ZNF496: variants seen among roughly 807,000 people sequenced by gnomAD.
ZNF496 encodes the protein zinc finger protein 496.
A neutral mutation model predicts 58.9 loss-of-function variants in ZNF496; 11 were observed. That is an observed-to-expected ratio of 0.19 (90% CI 0.12 to 0.31). The LOEUF (loss-of-function observed/expected upper bound fraction) is 0.31, where lower values mean the gene tolerates loss of function less well. ZNF496 is among the 10% of genes least tolerant of loss of function. The pLI, the probability that ZNF496 is intolerant of heterozygous loss-of-function variation, is 1.00. For synonymous variants in ZNF496, 338 were observed against 318.2 expected (o/e 1.06, Z -0.66); for missense variants, 660 against 783.0 (o/e 0.84, Z 1.88).
chr1:247,327,157 C>G (rs755062942), intron 5 of ZNF496, among the ~76,000 whole-genome samples: 7 of 152,156 alleles, frequency 4.6e-5, no homozygotes, highest in Non-Finnish European at 8.8e-5. Flanking sequence ...CTCCGCCTCC[C>G]AGGTTCAAGT....
chr1:247,320,470 G>A (rs1177614563), intron 6 of ZNF496, among the ~76,000 whole-genome samples: 1 of 152,224 alleles, frequency 6.6e-6, no homozygotes, highest in East Asian at 1.9e-4. Flanking sequence ...GCCAGAGGCT[G>A]AAGAGAGGGT....
At chr1:247,315,451 C>T (rs1467375252) in intron 6 of ZNF496, among the ~76,000 whole-genome samples, 1 of 152,176 alleles carries the variant, frequency 6.6e-6, no homozygotes, top group Non-Finnish European at 1.5e-5. Flanking sequence ...AGAGATGGGA[C>T]AACTAAATAA....
At chr1:247,304,454 C>A (rs1313535993) in intron 9 of ZNF496, among the ~76,000 whole-genome samples, 7 of 151,714 alleles carry the variant, frequency 4.6e-5, no homozygotes, top group Non-Finnish European at 8.8e-5. Context: ...TCACTGCAAC[C>A]TCTGCCTCCT....
chr1:247,299,700 C>A lies in ZNF496; in HGVS notation c.*819G>T, dbSNP rs1659171803. 1 of 152,260 alleles carries A rather than the reference C, an allele frequency of 6.6e-6. No homozygotes were observed. Among genetic ancestry groups the A allele is most frequent in the African/African-American group, 2.4e-5 (1 of 41,470 alleles). 9.4% of individuals were successfully genotyped at this position (152,260 alleles called of 1,614,324 possible). ...TAAACGATGACAACTCCGCTTCCAA[C>A]CCACAAGCATTTACCAAGGATCTTT... On this transcript the variant is annotated 3_prime_UTR_variant, in exon 10 of 10. Transcript: ENST00000682384.
At chr1:247,310,292 G>A in intron 7 of ZNF496, 32 bp downstream of exon 7, 2 of 1,613,724 alleles carry the variant, frequency 1.2e-6, no homozygotes, top group Non-Finnish European at 1.7e-6. Flanking sequence ...CAGTTCCCTG[G>A]TCTTGAGGTG....
At chr1:247,323,791 A>T (rs1660032873) in intron 5 of ZNF496, among the ~76,000 whole-genome samples, 1 of 151,850 alleles carries the variant, frequency 6.6e-6, no homozygotes, top group Non-Finnish European at 1.5e-5. Context: ...AAGAAGAAAA[A>T]GAAAAAGCCG....
chr1:247,305,662 T>A (rs1301214516), intron 9 of ZNF496, among the ~76,000 whole-genome samples: 1 of 152,132 alleles, frequency 6.6e-6, no homozygotes, highest in Non-Finnish European at 1.5e-5. Context: ...AAAACCAAAA[T>A]GATAAAGGCA....
rs1036514969 is a variant in ZNF496 at position 247,310,183 on chromosome 1, G to A, written c.784+141C>T. On this transcript the variant is annotated intron_variant, in intron 7 of 9. Coordinates refer to ENST00000682384, the MANE Select transcript of ZNF496 (RefSeq NM_032752.3). Reference sequence around the variant, plus strand: ...GGCCGCTGTGTGCAAATGACCTCCTGTCCAGGTTGGGGGTGAACAGAGAGA... The same window carrying A: ...GGCCGCTGTGTGCAAATGACCTCCTATCCAGGTTGGGGGTGAACAGAGAGA... 5 of 1,478,514 alleles carry A rather than the reference G, an allele frequency of 3.4e-6. No homozygotes were observed. The African/African-American group carries it at 5.6e-5, about 17-fold the overall frequency. The allele number at this position is 1,478,514 out of a possible 1,614,324, so 91.6% of individuals were successfully genotyped here.
rs116782781 is a variant in ZNF496, at chr1:247,302,045, G to A, written c.1007-769C>T. On this transcript the variant is annotated intron_variant, in intron 9 of 9. Transcript: ENST00000682384. ...TGTTGGGAAGGTGGAACCACGGGGC[G>A]GGGCTGGGTGGACAGTGCAGAGCCC... Among the ~76,000 whole-genome samples the A allele has an allele frequency of 5.6e-4, 85 of 152,300 alleles. 1 individual carries two copies. The highest frequency in any genetic ancestry group is 1.1e-3 in the Non-Finnish European group (73 of 68,008).
At chr1:247,322,654 A>G in intron 6 of ZNF496, 1 of 1,244,946 alleles carries the variant, frequency 8.0e-7, no homozygotes, top group Non-Finnish European at 1.1e-6. Flanking sequence ...GTCTTACACA[A>G]AAACACGAAC....
rs1659191230 is a variant in ZNF496 at position 247,300,211 on chromosome 1, C to T, written c.*308G>A. On this transcript the variant is annotated 3_prime_UTR_variant, in exon 10 of 10. Coordinates refer to ENST00000682384, the MANE Select transcript of ZNF496 (RefSeq NM_032752.3). This position sits in a 1 kb window ranked among gnomAD's most constrained non-coding sequence, Gnocchi z 5.7. ...CGGGGGATAGCCCAGTTTTACTCCC[C>T]GAGCTTGGGGAGCATGGGCCAAGGG... 7.9e-6 allele frequency: 2 copies of T among 254,010 alleles called. No homozygotes were observed. Among genetic ancestry groups the T allele is most frequent in the Non-Finnish European group, 1.5e-5 (2 of 133,480 alleles). The allele number at this position is 254,010 out of a possible 1,614,324, so 15.7% of individuals were successfully genotyped here. A position where few individuals can be genotyped will look rare whatever the true frequency, so the allele number is the denominator to read the frequency against.
chr1:247,330,594 G>C (rs988077772), intron 2 of ZNF496, among the ~76,000 whole-genome samples: 1 of 152,250 alleles, frequency 6.6e-6, no homozygotes, highest in African/African-American at 2.4e-5. Flanking sequence ...AGGGTGGCAA[G>C]AGACCAGCAA....
In ZNF496 at chr1:247,300,520, C is replaced by A; in HGVS notation, c.1763G>T (p.Ter588LeuextTer60). The A allele has an allele frequency of 6.2e-7, 1 of 1,602,498 alleles. No homozygotes were observed. Among genetic ancestry groups the A allele is most frequent in the Non-Finnish European group, 8.5e-7 (1 of 1,172,022 alleles). Residue 588 changes from the stop codon to leucine (L), a stop_lost, in exon 10 of 10, where the codon TGA (stop) becomes TTA (leucine). Transcript: ENST00000682384. This position sits in a 1 kb window ranked among gnomAD's most constrained non-coding sequence, Gnocchi z 5.7. The stretch of plus-strand genomic sequence containing the variant: ...TGAGGCCGCCCCAGGCGGAGAGGCT[C>A]AGTAGGAGTTCAGAGCCTGCTTGGA... ...RRSKQALNSY* is the reference protein window; with the variant it reads ...RRSKQALNSYL
intron 6 of ZNF496, among the ~76,000 whole-genome samples, chr1:247,316,879 C>T (rs1659798427): frequency 6.6e-6 from 1 of 152,094 alleles, no homozygotes; most frequent in Non-Finnish European, 1.5e-5. Flanking sequence ...GGACATTGAT[C>T]TACAGCGGGA....
intron 6 of ZNF496, among the ~76,000 whole-genome samples, chr1:247,322,535 A>G (rs1199353803): frequency 5.3e-5 from 8 of 152,190 alleles, no homozygotes; most frequent in African/African-American, 1.9e-4. Flanking sequence ...AGATATGGCC[A>G]GAAAACATGG....
chr1:247,323,250 G>T lies in ZNF496; in HGVS notation c.575-20C>A. On this transcript the variant is annotated intron_variant, in intron 5 of 9. Transcript: ENST00000682384. ...GCAGAACTGAAAGAGATCAGAAAAT[G>T]GTGTCCTAAAGTGGGCCAGGGCCAG... The T allele has an allele frequency of 6.2e-7, 1 of 1,610,628 alleles. No individual in the cohort carries two copies. The highest frequency in any genetic ancestry group is 8.5e-7 in the Non-Finnish European group (1 of 1,177,066).
intron 5 of ZNF496, among the ~76,000 whole-genome samples, chr1:247,324,471 C>A (rs572748508): frequency 6.1e-4 from 93 of 151,826 alleles, no homozygotes; most frequent in Non-Finnish European, 9.7e-4. Flanking sequence ...GAAGTATTTT[C>A]ACCACACACA....
At chr1:247,319,691 A>G (rs376337183) in intron 6 of ZNF496, among the ~76,000 whole-genome samples, 157 of 152,260 alleles carry the variant, frequency 1.0e-3, no homozygotes, top group African/African-American at 3.4e-3. Context: ...TGGAGGACGA[A>G]GCAGGTGGAT....
intron 9 of ZNF496, chr1:247,306,938 G>T: frequency 3.1e-6 from 1 of 318,122 alleles, no homozygotes; most frequent in Non-Finnish European, 4.5e-6. Context: ...AAGATACAAT[G>T]CACAGAATCA....
Sources: gnomAD v4.1 joint callset for allele counts (sites outside exome capture counted in the v4.1 genomes callset) on GRCh38, gnomAD v4.1.1 for gene constraint, Gnocchi (gnomAD v3.1) non-coding constraint, MANE v1.5 for transcripts, NCBI Gene and HGNC (gene_info 2026-07-23, HGNC 2026-07-21) for gene names.